The following KDM3A variants were observed in gnomAD, a reference collection of about 807,000 sequenced individuals.
The protein encoded by KDM3A is lysine-specific demethylase 3A.
Under a neutral mutation model 158.0 loss-of-function variants are expected in KDM3A, and 60 were observed. The ratio of observed to expected loss-of-function variants is 0.38; its 90% CI spans 0.31 to 0.47. The LOEUF is 0.47. Among genes scored for constraint, KDM3A ranks in the 20% least tolerant of loss-of-function variants. The pLI is 0.99. For missense variants in KDM3A, 1,319 were observed against 1,574.3 expected (o/e 0.84, Z 2.74); for synonymous variants, 608 against 549.3 (o/e 1.11, Z -1.49).
At chr2:86,438,235 T>C (rs1476173478), upstream of KDM3A, among the ~76,000 whole-genome samples, 1 of 152,148 alleles carries the variant, frequency 6.6e-6, no homozygotes, top group Non-Finnish European at 1.5e-5. Flanking sequence ...ATCATATGTA[T>C]TTTCTCCTTT....
chr2:86,469,164 C>T (rs1673289917), intron 10 of KDM3A, among the ~76,000 whole-genome samples: 1 of 152,080 alleles, frequency 6.6e-6, no homozygotes, highest in Admixed American at 6.5e-5. Context: ...TGGTCTAGTC[C>T]TGCTTTAAAA....
At position 86,442,121 on chromosome 2, in the gene KDM3A, G is replaced by C; in HGVS notation, c.74G>C (p.Gly25Ala). The change falls in exon 2 of 26, where the codon GGC becomes GCC. Residue 25 changes from glycine (G) to alanine (A), a missense_variant. Coordinates refer to ENST00000312912, the MANE Select transcript of KDM3A (RefSeq NM_018433.6). Reference protein sequence around the residue: ...RRFLSLSAADGSDGSHDSWDV... With the variant: ...RRFLSLSAADASDGSHDSWDV... ...TTTCTCAGTCTGTCCGCAGCCGACG[G>C]CAGCGATGGCAGCCACGACAGCTGG... 6.2e-7 allele frequency: 1 copy of C among 1,614,050 alleles called. No homozygotes were observed.
chr2:86,467,007 A>G, intron 10 of KDM3A, 124 bp downstream of exon 10: 1 of 809,688 alleles, frequency 1.2e-6, no homozygotes, highest in Non-Finnish European at 1.9e-6. Context: ...CAGTCAGAAA[A>G]GTTGAAAGAA....
At chr2:86,464,401 G>A (rs2104660007) in intron 9 of KDM3A, among the ~76,000 whole-genome samples, 185 bp downstream of exon 9, 1 of 152,284 alleles carries the variant, frequency 6.6e-6, no homozygotes, top group South Asian at 2.1e-4. Context: ...AAATGGTATA[G>A]AAGTGAAAGG....
At chr2:86,477,381 A>C (rs936582139) in intron 12 of KDM3A, among the ~76,000 whole-genome samples, 8 of 152,172 alleles carry the variant, frequency 5.3e-5, no homozygotes, top group African/African-American at 1.9e-4. Context: ...GGGCAGTCTG[A>C]GTGGATGTAG....
At chr2:86,485,921 G>A in intron 21 of KDM3A, 62 bp downstream of exon 21, 2 of 1,563,062 alleles carry the variant, frequency 1.3e-6, no homozygotes, top group South Asian at 2.3e-5. Context: ...TTGGAAAATT[G>A]ATTTTGTGGG....
In KDM3A at chr2:86,478,014, A is replaced by G. The variant is rs1221692453; in HGVS notation, c.2077A>G (p.Lys693Glu). ...VCVDCYRMKR[K>E]NCQQGAAYKT... is the part of the protein sequence containing the mutation. ...TGTGGACTGCTACCGGATGAAGAGA[A>G]AGAATTGCCAACAGGGTGAGAACCG... is the stretch of plus-strand genomic sequence containing the variant. The change falls in exon 13 of 26, where the codon AAG becomes GAG. Residue 693 changes from lysine (K) to glutamate (E), a missense_variant. Physicochemically the swap from Lys to Glu is moderately conservative, Grantham distance 56 (BLOSUM62 1). Transcript: ENST00000312912. The G allele has an allele frequency of 1.2e-6, 2 of 1,614,016 alleles. No homozygotes were observed. Among genetic ancestry groups the G allele is most frequent in the African/African-American group, 1.3e-5 (1 of 74,902 alleles).
rs1198623219 is a variant in KDM3A, at chr2:86,442,247, C to T, written c.186+14C>T. The T allele has an allele frequency of 4.8e-5, 76 of 1,586,508 alleles. No individual in the cohort carries two copies. Among genetic ancestry groups the T allele is most frequent in the Non-Finnish European group, 6.3e-5 (73 of 1,161,754 alleles). On this transcript the variant is annotated intron_variant, in intron 2 of 25. Transcript: ENST00000312912. ...AAGGATCTGAAGGTACAGGCGGCTC[C>T]GGGCCTCTGCCACCGGACGTTTCGC...
At chr2:86,470,174 T>A (rs748904738) in intron 10 of KDM3A, 30 bp from the exon 11 acceptor site, 68 of 1,597,646 alleles carry the variant, frequency 4.3e-5, no homozygotes, top group South Asian at 5.5e-5. Context: ...AAATTTGAGG[T>A]CCTGTCTCCT....
chr2:86,470,192 T>C lies in KDM3A; in HGVS notation c.1520-12T>C, dbSNP rs775584710. The C allele has an allele frequency of 3.7e-6, 6 of 1,613,062 alleles. No individual in the cohort carries two copies. The highest frequency in any genetic ancestry group is 4.5e-5 in the East Asian group (2 of 44,860). The stretch of plus-strand genomic sequence containing the variant: ...TTTGAGGTCCTGTCTCCTTAATCTT[T>C]TGTTTTCCTAGCCCCATCCAGGAAG... On this transcript the variant is annotated splice_polypyrimidine_tract_variant and intron_variant, in intron 10 of 25. Transcript: ENST00000312912.
At position 86,492,252 on chromosome 2, in the gene KDM3A, A is replaced by G. The variant is rs533347409; in HGVS notation, c.*133A>G. Reference sequence around the variant, plus strand: ...CCCAACTTGTGAGGGTACTCTGTCTAATGTATATTTCTAGTGTTTACAGAC... The same window carrying G: ...CCCAACTTGTGAGGGTACTCTGTCTGATGTATATTTCTAGTGTTTACAGAC... On this transcript the variant is annotated 3_prime_UTR_variant, in exon 26 of 26. Transcript: ENST00000312912. 1.4e-5 allele frequency: 9 copies of G among 656,320 alleles called. No individual in the cohort carries two copies. The highest frequency in any genetic ancestry group is 9.8e-5 in the Admixed American group (4 of 40,866). The allele number at this position is 656,320 out of a possible 1,614,324, so 40.7% of individuals were successfully genotyped here. A position where few individuals can be genotyped will look rare whatever the true frequency, so the allele number is the denominator to read the frequency against.
At position 86,482,231 on chromosome 2, in the gene KDM3A, G is replaced by A. The variant is rs568584576; in HGVS notation, c.2685+129G>A. ...CTTACCTTTGTGGGTTCAGAAGGCT[G>A]AGTCACTGGAGGATGGGTTTTATGG... On this transcript the variant is annotated intron_variant, in intron 17 of 25. Coordinates refer to ENST00000312912, the MANE Select transcript of KDM3A (RefSeq NM_018433.6). The A allele has an allele frequency of 7.0e-5, 84 of 1,200,506 alleles. No homozygotes were observed. In the South Asian group the frequency reaches 9.9e-4, roughly 14 times the overall value. 74.4% of individuals were successfully genotyped at this position (1,200,506 alleles called of 1,614,324 possible).
At position 86,478,039 on chromosome 2, in the gene KDM3A, G is replaced by A. The variant is rs753153846; in HGVS notation, c.2092+10G>A. The A allele has an allele frequency of 2.5e-6, 4 of 1,613,952 alleles. No homozygotes were observed. The highest frequency in any genetic ancestry group is 2.2e-5 in the East Asian group (1 of 44,868). ...AAGAATTGCCAACAGGGTGAGAACC[G>A]ATTTGATTCTCCTCCAGCCCCTCTA... On this transcript the variant is annotated intron_variant, in intron 13 of 25. Coordinates refer to ENST00000312912, the MANE Select transcript of KDM3A (RefSeq NM_018433.6).
chr2:86,478,463 A>G, intron 14 of KDM3A, 145 bp from the exon 15 acceptor site: 1 of 981,126 alleles, frequency 1.0e-6, no homozygotes, highest in Non-Finnish European at 1.5e-6. Context: ...AAGAAAATGC[A>G]TTTTGGGGAA....
intron 8 of KDM3A, among the ~76,000 whole-genome samples, chr2:86,460,119 C>A (rs527527789): frequency 6.6e-6 from 1 of 152,172 alleles, no homozygotes; most frequent in East Asian, 1.9e-4. Flanking sequence ...AATCATACTT[C>A]TCAGAGACTC....
chr2:86,470,002 GT>G (rs1673327651), intron 10 of KDM3A, among the ~76,000 whole-genome samples: 1 of 152,144 alleles, frequency 6.6e-6, no homozygotes, highest in Non-Finnish European at 1.5e-5. Flanking sequence ...AATAAGAATT[GT>G]TTTATAAAGA....
At chr2:86,446,009 TG>T (rs1316221170) in intron 2 of KDM3A, among the ~76,000 whole-genome samples, 4 of 152,244 alleles carry the variant, frequency 2.6e-5, no homozygotes, top group Admixed American at 6.5e-5. Context: ...GTGTTTCTGA[TG>T]GCCTTTATAA....
intron 25 of KDM3A, 150 bp downstream of exon 25, chr2:86,491,425 T>C (rs1398618783): frequency 4.3e-6 from 3 of 699,064 alleles, no homozygotes; most frequent in African/African-American, 3.6e-5. Context: ...AGTACTACTA[T>C]CTACTTAAGT....
At chr2:86,465,701 G>A (rs1310801797) in intron 9 of KDM3A, among the ~76,000 whole-genome samples, 1 of 152,080 alleles carries the variant, frequency 6.6e-6, no homozygotes, top group Admixed American at 6.6e-5. Flanking sequence ...GAGCCCTTGT[G>A]CCTTGCCCAT....
Sources: gnomAD v4.1 joint callset for allele counts (sites outside exome capture counted in the v4.1 genomes callset) on GRCh38, gnomAD v4.1.1 for gene constraint, MANE v1.5 for transcripts, NCBI Gene and HGNC (gene_info 2026-07-23, HGNC 2026-07-21) for gene names.